TMEM74: variants seen among roughly 807,000 people sequenced by gnomAD.
The protein encoded by TMEM74 is transmembrane protein 74.
TMEM74 carries 13 observed loss-of-function variants against 18.1 expected under a neutral mutation model. The ratio of observed to expected loss-of-function variants is 0.72; its 90% CI spans 0.47 to 1.14. The LOEUF (loss-of-function observed/expected upper bound fraction) is 1.14. TMEM74 is among the 50% of genes most tolerant of loss of function. TMEM74 has a pLI of 0.00. For synonymous variants in TMEM74, 159 were observed against 146.6 expected (o/e 1.08, Z -0.61); for missense variants, 372 against 375.9 (o/e 0.99, Z 0.09).
chr8:108,665,625 G>A (rs1812942246), intron 1 of TMEM74, among the ~76,000 whole-genome samples: 1 of 152,152 alleles, frequency 6.6e-6, no homozygotes, highest in African/African-American at 2.4e-5. Flanking sequence ...GATGCTTAAA[G>A]TTAGTATGCC....
At chr8:108,696,350 G>C (rs1813281394) in intron 1 of TMEM74, among the ~76,000 whole-genome samples, 1 of 152,190 alleles carries the variant, frequency 6.6e-6, no homozygotes, top group South Asian at 2.1e-4. Flanking sequence ...GCTTAGAGAA[G>C]TTAAAAAACT....
chr8:108,661,160 T>G (rs1812895800), intron 1 of TMEM74, among the ~76,000 whole-genome samples: 1 of 152,130 alleles, frequency 6.6e-6, no homozygotes, highest in African/African-American at 2.4e-5. Flanking sequence ...AGCCTTTTCC[T>G]TGGAATTACC....
chr8:108,729,890 AGT>A (rs1813677102), intron 1 of TMEM74, among the ~76,000 whole-genome samples: 1 of 152,202 alleles, frequency 6.6e-6, no homozygotes, highest in South Asian at 2.1e-4. Context: ...GCAGAAACAG[AGT>A]GTGGTCAGTG....
chr8:108,657,842 CAAAAAAA>C (rs1157229913), intron 1 of TMEM74, among the ~76,000 whole-genome samples: 6 of 16,680 alleles, frequency 3.6e-4, no homozygotes, highest in East Asian at 1.9e-3. Flanking sequence ...GACACCGTCT[CAAAAAAA>C]AAAAAAAAAA....
chr8:108,690,606 G>C (rs1358961068), intron 1 of TMEM74, among the ~76,000 whole-genome samples: 1 of 151,874 alleles, frequency 6.6e-6, no homozygotes, highest in Non-Finnish European at 1.5e-5. Flanking sequence ...ACGAGGTCAG[G>C]AGATCAAGAC....
At chr8:108,673,475 G>A (rs940903510) in intron 1 of TMEM74, among the ~76,000 whole-genome samples, 2 of 152,202 alleles carry the variant, frequency 1.3e-5, no homozygotes, top group African/African-American at 4.8e-5. Flanking sequence ...TAACTAGGAA[G>A]TGAATCTTCA....
chr8:108,713,127 A>G (rs1813489816), intron 1 of TMEM74, among the ~76,000 whole-genome samples: 1 of 152,190 alleles, frequency 6.6e-6, no homozygotes, highest in Non-Finnish European at 1.5e-5. Context: ...TGGTGACTCT[A>G]GATTTGAACA....
intron 1 of TMEM74, among the ~76,000 whole-genome samples, chr8:108,765,753 A>G (rs1042144775): frequency 6.6e-6 from 1 of 152,132 alleles, no homozygotes; most frequent in Non-Finnish European, 1.5e-5. Flanking sequence ...GATTTATCAC[A>G]TACTTAACAA....
intron 1 of TMEM74, among the ~76,000 whole-genome samples, chr8:108,723,004 G>A (rs1444959022): frequency 1.3e-5 from 2 of 152,148 alleles, no homozygotes; most frequent in Admixed American, 6.5e-5. Flanking sequence ...GATCTTGTGA[G>A]GATAACAGAG....
chr8:108,665,961 T>C (rs1812945206), intron 1 of TMEM74, among the ~76,000 whole-genome samples: 1 of 152,196 alleles, frequency 6.6e-6, no homozygotes, highest in Admixed American at 6.6e-5. Context: ...GCATAAGGAA[T>C]AAGTAAATAT....
At position 108,780,510 on chromosome 8, in the gene TMEM74, T is replaced by G. The variant is rs544018594; in HGVS notation, c.*3671A>C. Among the ~76,000 whole-genome samples the G allele has an allele frequency of 1.3e-5, 2 of 152,270 alleles. No individual in the cohort carries two copies. The highest frequency in any genetic ancestry group is 4.8e-5 in the African/African-American group (2 of 41,554). ...ATCAAGATTAAGTCACCCCTTATAC[T>G]GGGGGGACTGAGGTAAAGGCACACA... On this transcript the variant is annotated 3_prime_UTR_variant, in exon 2 of 2. Transcript: ENST00000297459.
rs1449112150 is a variant in TMEM74, at chr8:108,657,859, A to AT, written n.120-2423_120-2422insA. On this transcript the variant is annotated intron_variant and non_coding_transcript_variant, in intron 1 of 3. Transcript: ENST00000518838. The stretch of plus-strand genomic sequence containing the variant: ...CACCGTCTCAAAAAAAAAAAAAAAA[A>AT]ATATATATATATATATATATATATA... Among the ~76,000 whole-genome samples the AT allele has an allele frequency of 6.8e-3, 338 of 49,826 alleles. 15 individuals are homozygous for AT. The highest frequency in any genetic ancestry group is 0.039 in the East Asian group (57 of 1,468). 32.7% of individuals were successfully genotyped at this position (49,826 alleles called of 152,430 possible). A position where few individuals can be genotyped will look rare whatever the true frequency, so the allele number is the denominator to read the frequency against.
intron 1 of TMEM74, among the ~76,000 whole-genome samples, chr8:108,740,131 C>A (rs955029627): frequency 6.6e-6 from 1 of 152,104 alleles, no homozygotes; most frequent in Non-Finnish European, 1.5e-5. Context: ...AGACTAGAAG[C>A]AAACAGCCAG....
intron 1 of TMEM74, among the ~76,000 whole-genome samples, chr8:108,754,204 C>T (rs1813932990): frequency 6.6e-6 from 1 of 152,042 alleles, no homozygotes; most frequent in South Asian, 2.1e-4. Context: ...TCCTACTCCC[C>T]TTTGTGTTTT....
chr8:108,642,472 G>C (rs1812675766), intron 2 of TMEM74, among the ~76,000 whole-genome samples: 1 of 151,664 alleles, frequency 6.6e-6, no homozygotes, highest in Non-Finnish European at 1.5e-5. Flanking sequence ...AATGGTCCTA[G>C]AAAACAATCG....
intron 1 of TMEM74, among the ~76,000 whole-genome samples, chr8:108,678,675 T>C (rs1022079554): frequency 6.6e-6 from 1 of 151,302 alleles, no homozygotes; most frequent in East Asian, 1.9e-4. Context: ...GGTTCTCTTT[T>C]TTTTTTCTTA....
intron 1 of TMEM74, among the ~76,000 whole-genome samples, chr8:108,690,967 A>T (rs532670952): frequency 1.4e-4 from 22 of 152,360 alleles, no homozygotes; most frequent in Admixed American, 5.2e-4. Flanking sequence ...ATAGAGAACC[A>T]GGCATGGAGG....
chr8:108,743,203 G>C (rs1005993283), intron 1 of TMEM74, among the ~76,000 whole-genome samples: 1 of 152,162 alleles, frequency 6.6e-6, no homozygotes, highest in African/African-American at 2.4e-5. Flanking sequence ...AAAACCTGAT[G>C]TTGTTTACTG....
At chr8:108,668,080 A>C (rs775601337) in intron 1 of TMEM74, among the ~76,000 whole-genome samples, 4 of 152,182 alleles carry the variant, frequency 2.6e-5, no homozygotes, top group Non-Finnish European at 4.4e-5. Context: ...CTCTATTTCA[A>C]ATCAGTTTGC....
Sources: allele counts gnomAD v4.1 joint callset (sites outside exome capture counted in the v4.1 genomes callset), GRCh38; gene constraint gnomAD v4.1.1; transcripts MANE v1.5; gene names NCBI Gene and HGNC (gene_info 2026-07-23, HGNC 2026-07-21).